FAT3: variants seen among roughly 807,000 people sequenced by gnomAD.
FAT3 encodes FAT atypical cadherin 3.
Under a neutral mutation model 310.2 loss-of-function variants are expected in FAT3, and 95 were observed. That is an observed-to-expected ratio of 0.31 (90% CI 0.26 to 0.36). FAT3 has a LOEUF of 0.36. Among genes scored for constraint, FAT3 ranks in the 10% least tolerant of loss-of-function variants. The pLI is 1.00. For missense variants in FAT3, 5,408 were observed against 5,715.6 expected, an observed-to-expected ratio of 0.95 and a Z score of 1.74; for synonymous variants, 2,314 against 2,192.9, an observed-to-expected ratio of 1.06 and a Z score of -1.54.
intron 12 of FAT3, among the ~76,000 whole-genome samples, chr11:92,808,852 G>A (rs1227021623): frequency 6.6e-6 from 1 of 152,072 alleles, no homozygotes; most frequent in Non-Finnish European, 1.5e-5. Context: ...CGTGAACCCA[G>A]GAGGCAGAGC....
chr11:92,227,034 G>A (rs879588335), intron 1 of FAT3, among the ~76,000 whole-genome samples: 22 of 152,228 alleles, frequency 1.4e-4, no homozygotes, highest in Non-Finnish European at 2.8e-4. Flanking sequence ...ACTAGGGAGG[G>A]CGCCCAGGGG....
intron 2 of FAT3, among the ~76,000 whole-genome samples, chr11:92,478,211 C>A (rs1344005356): frequency 6.6e-6 from 1 of 152,144 alleles, no homozygotes; most frequent in Non-Finnish European, 1.5e-5. Context: ...AGCTGGTAAC[C>A]GAATTCATCA....
In FAT3 at chr11:92,542,936, C is replaced by T. The variant is rs558872111; in HGVS notation, c.3607+17988C>T. Among the ~76,000 whole-genome samples, 6 of 152,018 alleles carry T rather than the reference C, an allele frequency of 3.9e-5. No individual in the cohort carries two copies. In the South Asian group the frequency reaches 1.0e-3, roughly 26 times the overall value. On this transcript the variant is annotated intron_variant, in intron 3 of 27. Transcript: ENST00000525166. ...TATGGAACCAACCTAAGTGTCCATC[C>T]GTGGGTAAATAGGTAAAGAAAATGT...
intron 1 of FAT3, among the ~76,000 whole-genome samples, chr11:92,288,548 T>C (rs746451878): frequency 5.3e-5 from 8 of 152,116 alleles, no homozygotes; most frequent in Non-Finnish European, 1.0e-4. Context: ...CCTTTCCTCA[T>C]CTTAAATCCT....
chr11:92,690,658 A>T (rs1338794903), intron 3 of FAT3, among the ~76,000 whole-genome samples: 1 of 152,034 alleles, frequency 6.6e-6, no homozygotes, highest in East Asian at 1.9e-4. Context: ...TTTATTTTTT[A>T]AGGAAATGTG....
At chr11:92,716,204 G>A (rs1037155745) in intron 4 of FAT3, among the ~76,000 whole-genome samples, 1 of 152,138 alleles carries the variant, frequency 6.6e-6, no homozygotes, top group African/African-American at 2.4e-5. Flanking sequence ...AAAACTCAGT[G>A]ATTGAATAGG....
Position 92,844,375 on chromosome 11 carries a change from C to T in FAT3, c.11008C>T (p.Arg3670Trp), listed in dbSNP as rs1186961349. The change falls in exon 19 of 28, where the codon CGG becomes TGG. Residue 3670 changes from arginine to tryptophan, a missense_variant. Arg to Trp is a moderately radical substitution (Grantham distance 101, BLOSUM62 -3). Around this residue, in one of 5 missense-constraint regions of FAT3, gnomAD observed 4,588 missense variants for 4,809.8 expected, o/e 0.95. Coordinates refer to ENST00000525166, the MANE Select transcript of FAT3 (RefSeq NM_001367949.2). The part of the protein sequence containing the change: ...DFVGLHMHGF[R>W]RTLRNAVLTQ... The stretch of plus-strand genomic sequence containing the variant: ...CGTGGGGCTGCACATGCATGGGTTC[C>T]GGCGCACCCTGCGGAATGCAGTCCT... The T allele has an allele frequency of 1.4e-5, 23 of 1,613,802 alleles. No individual in the cohort carries two copies. The highest frequency in any genetic ancestry group is 2.7e-5 in the African/African-American group (2 of 74,924).
intron 1 of FAT3, among the ~76,000 whole-genome samples, chr11:92,240,936 G>A (rs752981785): frequency 4.0e-5 from 6 of 149,100 alleles, no homozygotes; most frequent in Non-Finnish European, 7.4e-5. Context: ...TCCCCCCCAT[G>A]CCCCCCTTCC....
rs1481982255 is a variant in FAT3 at position 92,844,762 on chromosome 11, A to G, written c.11365+30A>G. 2.7e-6 allele frequency: 4 copies of G among 1,474,968 alleles called. No individual in the cohort carries two copies. The African/African-American group carries it at 4.2e-5, about 16-fold the overall frequency. The allele number at this position is 1,474,968 out of a possible 1,614,324, so 91.4% of individuals were successfully genotyped here. ...GTGCAGTTTTGAGTGTTCCCTCTCA[A>G]CTCCTGAGATTGTAGGAGTAGAATG... On this transcript the variant is annotated intron_variant, in intron 19 of 27. Coordinates refer to ENST00000525166, the MANE Select transcript of FAT3 (RefSeq NM_001367949.2).
chr11:92,436,668 A>T (rs994271657), intron 2 of FAT3, among the ~76,000 whole-genome samples: 2 of 152,124 alleles, frequency 1.3e-5, no homozygotes, highest in South Asian at 4.1e-4. Context: ...TTCATCTCAG[A>T]TCCTAAAGCA....
intron 4 of FAT3, among the ~76,000 whole-genome samples, chr11:92,712,910 A>G (rs924447431): frequency 1.3e-5 from 2 of 152,254 alleles, no homozygotes; most frequent in African/African-American, 4.8e-5. Flanking sequence ...GACAGAATGC[A>G]TGAGGCTGAA....
chr11:92,794,839 G>A (rs1029482734), intron 9 of FAT3, among the ~76,000 whole-genome samples: 1 of 152,190 alleles, frequency 6.6e-6, no homozygotes, highest in African/African-American at 2.4e-5. Context: ...CAGACAGACA[G>A]ACAAACCCAC....
chr11:92,851,667 G>A (rs1283728074), intron 19 of FAT3, among the ~76,000 whole-genome samples: 1 of 152,130 alleles, frequency 6.6e-6, no homozygotes, highest in Non-Finnish European at 1.5e-5. Flanking sequence ...GTTTGATGAA[G>A]TGGGACCCTT....
At chr11:92,412,702 G>GAGATATATAT (rs1555038472) in intron 2 of FAT3, among the ~76,000 whole-genome samples, 2 of 13,450 alleles carry the variant, frequency 1.5e-4, no homozygotes, top group Non-Finnish European at 2.2e-4. Flanking sequence ...TGATGGTGGT[G>GAGATATATAT]ATATATATAT....
chr11:92,417,784 A>G (rs1049680411), intron 2 of FAT3, among the ~76,000 whole-genome samples: 3 of 152,220 alleles, frequency 2.0e-5, no homozygotes, highest in Non-Finnish European at 4.4e-5. Context: ...ACAACAAAAC[A>G]CATTAAGTAA....
chr11:92,412,069 A>G (rs990796333), intron 2 of FAT3, among the ~76,000 whole-genome samples: 1 of 151,952 alleles, frequency 6.6e-6, no homozygotes, highest in Non-Finnish European at 1.5e-5. Context: ...CCTCTGCAGG[A>G]GTAGATGGGC....
chr11:92,710,563 G>A (rs576697997), intron 4 of FAT3, among the ~76,000 whole-genome samples: 38 of 152,296 alleles, frequency 2.5e-4, no homozygotes, highest in Admixed American at 4.6e-4. Context: ...TTAGAGATGC[G>A]CTTGTTTGGT....
chr11:92,634,534 T>C (rs1591545447), intron 3 of FAT3, among the ~76,000 whole-genome samples: 1 of 152,222 alleles, frequency 6.6e-6, no homozygotes, highest in South Asian at 2.1e-4. Flanking sequence ...TATTTTCTTA[T>C]CTTTGAATCA....
intron 4 of FAT3, among the ~76,000 whole-genome samples, chr11:92,747,557 C>T (rs1231574778): frequency 6.6e-6 from 1 of 152,226 alleles, no homozygotes; most frequent in African/African-American, 2.4e-5. Context: ...CATTTGGGTC[C>T]TCATTACTTG....
Sources: gnomAD v4.1 joint callset for allele counts (sites outside exome capture counted in the v4.1 genomes callset) on GRCh38, gnomAD v4.1.1 for gene constraint, gnomAD v4.1.1 regional missense constraint, MANE v1.5 for transcripts, NCBI Gene and HGNC (gene_info 2026-07-23, HGNC 2026-07-21) for gene names.